CACNA2D3: variants seen among roughly 807,000 people sequenced by gnomAD.
CACNA2D3 encodes the protein voltage-dependent calcium channel subunit alpha-2/delta-3.
A neutral mutation model predicts 160.6 loss-of-function variants in CACNA2D3; 60 were observed. The ratio of observed to expected loss-of-function variants is 0.37; its 90% CI spans 0.30 to 0.46. CACNA2D3 has a LOEUF of 0.46. Ranked by LOEUF, CACNA2D3 falls within the 20% of genes least tolerant of loss-of-function variation. The pLI is 1.00. For synonymous variants in CACNA2D3, 558 were observed against 492.9 expected (o/e 1.13, Z -1.75); for missense variants, 1,205 against 1,365.0 (o/e 0.88, Z 1.85).
intron 13 of CACNA2D3, among the ~76,000 whole-genome samples, chr3:54,768,755 T>C (rs1327965906): frequency 1.3e-5 from 2 of 152,226 alleles, no homozygotes; most frequent in African/African-American, 4.8e-5. Flanking sequence ...TTCTACTTCT[T>C]AAAGAACTCT....
intron 11 of CACNA2D3, among the ~76,000 whole-genome samples, chr3:54,668,658 C>A (rs1476463949): frequency 6.6e-6 from 1 of 152,214 alleles, no homozygotes; most frequent in Admixed American, 6.5e-5. Context: ...TCTTCACCAA[C>A]CCTGCAGGGA....
intron 13 of CACNA2D3, among the ~76,000 whole-genome samples, chr3:54,764,559 T>C (rs1178322179): frequency 1.3e-5 from 2 of 152,196 alleles, no homozygotes; most frequent in African/African-American, 4.8e-5. Flanking sequence ...TTCAGAAAGG[T>C]AGCTGGTCTG....
chr3:54,463,721 C>T (rs371456905), intron 4 of CACNA2D3, among the ~76,000 whole-genome samples: 1 of 152,150 alleles, frequency 6.6e-6, no homozygotes, highest in Non-Finnish European at 1.5e-5. Flanking sequence ...TTTGAATTTC[C>T]TCCTGTAGCT....
chr3:54,688,070 T>G (rs1700503640), intron 11 of CACNA2D3, among the ~76,000 whole-genome samples: 1 of 152,228 alleles, frequency 6.6e-6, no homozygotes, highest in South Asian at 2.1e-4. Context: ...TTTATTATCT[T>G]TCATGTTGTA....
chr3:54,588,486 G>A (rs1035913236), intron 9 of CACNA2D3, among the ~76,000 whole-genome samples: 10 of 152,016 alleles, frequency 6.6e-5, no homozygotes, highest in African/African-American at 2.4e-4. Context: ...AAAGGCATAC[G>A]GGTTACAAAG....
chr3:54,500,186 C>G (rs1017428351), intron 4 of CACNA2D3, among the ~76,000 whole-genome samples: 1 of 152,162 alleles, frequency 6.6e-6, no homozygotes, highest in African/African-American at 2.4e-5. Flanking sequence ...GCTCTGAAGT[C>G]TGTTTTGCCT....
intron 2 of CACNA2D3, among the ~76,000 whole-genome samples, chr3:54,261,541 G>A (rs969757681): frequency 2.6e-5 from 4 of 152,150 alleles, no homozygotes; most frequent in African/African-American, 9.7e-5. Flanking sequence ...CCCTTATTCT[G>A]CCTGGTCTGG....
At chr3:54,272,338 A>G (rs979195345) in intron 2 of CACNA2D3, among the ~76,000 whole-genome samples, 1 of 152,132 alleles carries the variant, frequency 6.6e-6, no homozygotes, top group African/African-American at 2.4e-5. Context: ...AGCCAGTGAG[A>G]GAAGCTTTCC....
Position 54,886,338 on chromosome 3 carries a change from G to T in CACNA2D3, c.2056+752G>T, listed in dbSNP as rs976315449. On this transcript the variant is annotated intron_variant, in intron 23 of 37. Transcript: ENST00000474759. Reference sequence around the variant, plus strand: ...CTCCATAGAATGGATTTACTTTTTGGGATATGCCCTGGTGGGGAAAGGATC... The same window carrying T: ...CTCCATAGAATGGATTTACTTTTTGTGATATGCCCTGGTGGGGAAAGGATC... 9.9e-5 allele frequency among the ~76,000 whole-genome samples: 15 copies of T among 152,254 alleles called. No homozygotes were observed. In the East Asian group the frequency reaches 1.7e-3, roughly 18 times the overall value.
At chr3:54,798,178 G>A (rs1702907148) in intron 13 of CACNA2D3, among the ~76,000 whole-genome samples, 1 of 152,056 alleles carries the variant, frequency 6.6e-6, no homozygotes, top group Admixed American at 6.6e-5. Flanking sequence ...TCTTCATTAT[G>A]GCTACCAAGA....
chr3:55,045,420 TGTGAA>T (rs1704055781), intron 35 of CACNA2D3, among the ~76,000 whole-genome samples: 1 of 152,212 alleles, frequency 6.6e-6, no homozygotes, highest in Admixed American at 6.5e-5. Context: ...TAAAAACACT[TGTGAA>T]GTGTTCTCTC....
At chr3:54,407,877 T>G (rs1333140048) in intron 4 of CACNA2D3, among the ~76,000 whole-genome samples, 1 of 152,192 alleles carries the variant, frequency 6.6e-6, no homozygotes, top group Non-Finnish European at 1.5e-5. Flanking sequence ...GATCTGCTGC[T>G]GTGGCTTCTT....
intron 3 of CACNA2D3, among the ~76,000 whole-genome samples, chr3:54,345,686 G>A (rs1423396996): frequency 6.6e-6 from 1 of 152,148 alleles, no homozygotes; most frequent in Non-Finnish European, 1.5e-5. Flanking sequence ...GTCACTTAAT[G>A]GAGTGTCTAG....
intron 13 of CACNA2D3, among the ~76,000 whole-genome samples, chr3:54,811,721 G>A (rs760177806): frequency 2.0e-5 from 3 of 151,772 alleles, no homozygotes; most frequent in East Asian, 1.9e-4. Context: ...TGCTGGTCTC[G>A]AACTCCTGAC....
intron 11 of CACNA2D3, among the ~76,000 whole-genome samples, chr3:54,727,713 C>T (rs1701304771): frequency 1.3e-5 from 2 of 152,134 alleles, no homozygotes; most frequent in South Asian, 2.1e-4. Flanking sequence ...ACAATGAAAA[C>T]ACATGGGCAT....
chr3:54,680,100 G>A (rs1473394808), intron 11 of CACNA2D3, among the ~76,000 whole-genome samples: 3 of 152,128 alleles, frequency 2.0e-5, no homozygotes, highest in African/African-American at 7.2e-5. Flanking sequence ...AGGGAGGATT[G>A]TAGGGCATGG....
chr3:55,004,815 G>A lies in CACNA2D3; in HGVS notation c.2743G>A (p.Asp915Asn), dbSNP rs775717340. 10 of 1,613,280 alleles carry A rather than the reference G, an allele frequency of 6.2e-6. No homozygotes were observed. The highest frequency in any genetic ancestry group is 3.3e-5 in the Admixed American group (2 of 59,962). Residue 915 changes from aspartate (D) to asparagine (N), a missense_variant, in exon 32 of 38, where the codon GAT (aspartate) becomes AAT (asparagine). Physicochemically the swap from Asp to Asn is conservative, Grantham distance 23. Transcript: ENST00000474759. ...GTGTAGAGCCAACAAGGAAAGCAGC[G>A]ATGGCGCCCATGGCCTCCTGGATGT... ...AMCRANKESS[D>N]GAHGLLDPYN...
intron 27 of CACNA2D3, among the ~76,000 whole-genome samples, chr3:54,963,635 T>C (rs559492565): frequency 7.0e-4 from 106 of 152,368 alleles, no homozygotes; most frequent in African/African-American, 2.4e-3. Flanking sequence ...CGATCATTGG[T>C]ATTCTGCAAA....
intron 2 of CACNA2D3, among the ~76,000 whole-genome samples, chr3:54,247,862 CAT>C (rs1702110714): frequency 4.4e-4 from 1 of 2,256 alleles, no homozygotes; most frequent in African/African-American, 3.4e-3. Context: ...TCATATCTGC[CAT>C]GCCTAGTACC....
Sources: gnomAD v4.1 joint callset for allele counts (sites outside exome capture counted in the v4.1 genomes callset) on GRCh38, gnomAD v4.1.1 for gene constraint, MANE v1.5 for transcripts, NCBI Gene and HGNC (gene_info 2026-07-23, HGNC 2026-07-21) for gene names.